Variants in LRRC4C observed in about 807,000 individuals in gnomAD.
LRRC4C encodes leucine rich repeat containing 4C, also known as leucine-rich repeat-containing protein 4C.
LRRC4C carries 5 observed loss-of-function variants against 33.6 expected under a neutral mutation model. The ratio of observed to expected loss-of-function variants is 0.15; its 90% CI spans 0.08 to 0.31. The LOEUF is 0.31. LRRC4C is among the 10% of genes least tolerant of loss of function. LRRC4C has a pLI of 1.00. For missense variants in LRRC4C, 560 were observed against 796.7 expected, an observed-to-expected ratio of 0.70 and a Z score of 3.58; for synonymous variants, 329 against 302.0, an observed-to-expected ratio of 1.09 and a Z score of -0.93.
chr11:40,630,709 G>A (rs1767500546), intron 3 of LRRC4C, among the ~76,000 whole-genome samples: 1 of 152,040 alleles, frequency 6.6e-6, no homozygotes, highest in African/African-American at 2.4e-5. Flanking sequence ...CTTTAACTAT[G>A]AGTCTCACCA....
intron 1 of LRRC4C, among the ~76,000 whole-genome samples, chr11:41,002,288 G>T (rs1386410543): frequency 1.3e-5 from 2 of 152,090 alleles, no homozygotes; most frequent in Non-Finnish European, 1.5e-5. Context: ...CTTGCCAATG[G>T]TTTTTTGTTT....
At chr11:41,296,434 C>T (rs949350875) in intron 1 of LRRC4C, among the ~76,000 whole-genome samples, 1 of 152,058 alleles carries the variant, frequency 6.6e-6, no homozygotes, top group African/African-American at 2.4e-5. Context: ...CCTGCCTCAG[C>T]CTCCTGAGTA....
intron 5 of LRRC4C, among the ~76,000 whole-genome samples, chr11:40,173,164 T>G (rs569122059): frequency 6.0e-4 from 91 of 152,300 alleles, no homozygotes; most frequent in Middle Eastern, 3.4e-3. Context: ...ATTTGTACCC[T>G]CCAGAACTGT....
intron 2 of LRRC4C, among the ~76,000 whole-genome samples, chr11:40,847,365 G>C (rs1953236478): frequency 6.6e-6 from 1 of 152,118 alleles, no homozygotes; most frequent in Non-Finnish European, 1.5e-5. Context: ...AAGGAGTGTT[G>C]AATTTTATTG....
chr11:40,711,754 G>A (rs1197601473), intron 2 of LRRC4C, among the ~76,000 whole-genome samples: 1 of 150,796 alleles, frequency 6.6e-6, no homozygotes, highest in South Asian at 2.1e-4. Context: ...ACCATAGATA[G>A]TAACGGAGGA....
At chr11:40,570,081 CAT>C (rs1276203370) in intron 3 of LRRC4C, among the ~76,000 whole-genome samples, 1 of 151,708 alleles carries the variant, frequency 6.6e-6, no homozygotes, top group Non-Finnish European at 1.5e-5. Context: ...TATACATAAA[CAT>C]ACACATGTAT....
At chr11:41,127,793 C>T (rs1942819302) in intron 1 of LRRC4C, among the ~76,000 whole-genome samples, 1 of 152,062 alleles carries the variant, frequency 6.6e-6, no homozygotes, top group African/African-American at 2.4e-5. Context: ...CTTTTATCAG[C>T]TAGTATTCCA....
chr11:41,033,088 C>T (rs1432477752), intron 1 of LRRC4C, among the ~76,000 whole-genome samples: 1 of 151,944 alleles, frequency 6.6e-6, no homozygotes. Flanking sequence ...CCAATCACAA[C>T]CTCATTCTTA....
chr11:40,942,006 A>G (rs1038402688), intron 1 of LRRC4C, among the ~76,000 whole-genome samples: 3 of 152,174 alleles, frequency 2.0e-5, no homozygotes, highest in Non-Finnish European at 4.4e-5. Context: ...GTGGAGGATA[A>G]AGGGGCAGTG....
rs1056661008 is a variant in LRRC4C at position 40,589,847 on chromosome 11, G to A, written c.-270+58295C>T. 5.8e-4 allele frequency among the ~76,000 whole-genome samples: 86 copies of A among 149,448 alleles called. 1 individual carries two copies. The highest frequency in any genetic ancestry group is 1.1e-3 in the Non-Finnish European group (73 of 67,168). ...TTGTAGGGTTTCTGCCGAGAGATCC[G>A]CTGTTAGTCTGATGGGCTTCCCTTT... is the stretch of plus-strand genomic sequence containing the variant. On this transcript the variant is annotated intron_variant, in intron 3 of 6. Transcript: ENST00000528697.
intron 2 of LRRC4C, among the ~76,000 whole-genome samples, chr11:40,750,501 G>T (rs373402459): frequency 2.0e-5 from 3 of 152,148 alleles, no homozygotes; most frequent in African/African-American, 4.8e-5. Context: ...CATGTCCTTT[G>T]TAGGGACATG....
At chr11:40,529,726 C>A (rs748470544) in intron 3 of LRRC4C, among the ~76,000 whole-genome samples, 4 of 152,124 alleles carry the variant, frequency 2.6e-5, no homozygotes, top group Admixed American at 6.6e-5. Context: ...AGTAACACAT[C>A]ATTCACAGAA....
At chr11:40,299,182 C>G (rs1021754955) in intron 4 of LRRC4C, among the ~76,000 whole-genome samples, 1 of 152,198 alleles carries the variant, frequency 6.6e-6, no homozygotes, top group Non-Finnish European at 1.5e-5. Flanking sequence ...TAATCAGTCA[C>G]TTATTTAAAC....
intron 1 of LRRC4C, among the ~76,000 whole-genome samples, chr11:41,357,381 G>A (rs1952199981): frequency 6.6e-6 from 1 of 152,254 alleles, no homozygotes; most frequent in Middle Eastern, 3.4e-3. Context: ...ACAGGGCACT[G>A]TGAACAGCCT....
intron 1 of LRRC4C, among the ~76,000 whole-genome samples, chr11:40,955,023 T>A (rs1958895773): frequency 6.6e-6 from 1 of 151,826 alleles, no homozygotes; most frequent in African/African-American, 2.4e-5. Flanking sequence ...AGCCCCCACC[T>A]ACACTAGAAG....
intron 1 of LRRC4C, among the ~76,000 whole-genome samples, chr11:41,353,505 C>T (rs1287467858): frequency 6.6e-6 from 1 of 152,124 alleles, no homozygotes; most frequent in African/African-American, 2.4e-5. Context: ...AGGGGGACTA[C>T]TCCCTAACTC....
chr11:40,830,289 CTTT>C, intron 2 of LRRC4C, among the ~76,000 whole-genome samples: 1 of 152,206 alleles, frequency 6.6e-6, no homozygotes, highest in South Asian at 2.1e-4. Context: ...CTTTCCACTT[CTTT>C]GTTAATACAT....
intron 1 of LRRC4C, among the ~76,000 whole-genome samples, chr11:41,103,824 CTT>C (rs1941342343): frequency 6.6e-6 from 1 of 151,914 alleles, no homozygotes; most frequent in Admixed American, 6.6e-5. Context: ...AGAAATGAAT[CTT>C]AACATTTATG....
At chr11:40,741,347 T>C (rs1197451083) in intron 2 of LRRC4C, among the ~76,000 whole-genome samples, 1 of 152,036 alleles carries the variant, frequency 6.6e-6, no homozygotes, top group Non-Finnish European at 1.5e-5. Context: ...AGCACCCATA[T>C]TACTATTCTA....
Sources: allele counts gnomAD v4.1 joint callset (sites outside exome capture counted in the v4.1 genomes callset), GRCh38; gene constraint gnomAD v4.1.1; transcripts MANE v1.5; gene names NCBI Gene and HGNC (gene_info 2026-07-23, HGNC 2026-07-21).